ACYP2: variants seen among roughly 807,000 people sequenced by gnomAD.
ACYP2 encodes the protein acylphosphatase 2, also known as acylphosphatase-2.
A neutral mutation model predicts 11.2 loss-of-function variants in ACYP2; 12 were observed. That is an observed-to-expected ratio of 1.08 (90% CI 0.69 to 1.74). The LOEUF (loss-of-function observed/expected upper bound fraction) is 1.74, where lower values mean the gene tolerates loss of function less well. Ranked by LOEUF, ACYP2 falls within the 40% of genes most tolerant of loss-of-function variation. The pLI is 0.00. For missense variants in ACYP2, 134 were observed against 101.9 expected, an observed-to-expected ratio of 1.31 and a Z score of -1.35; for synonymous variants, 43 against 32.2, an observed-to-expected ratio of 1.33 and a Z score of -1.13.
intron 2 of ACYP2, among the ~76,000 whole-genome samples, chr2:54,046,108 T>A (rs953650334): frequency 3.4e-5 from 5 of 145,804 alleles, no homozygotes; most frequent in Non-Finnish European, 7.4e-5. Flanking sequence ...AGGCAGAGGT[T>A]GCAGTGAGCA....
At chr2:53,983,033 A>G (rs1243962375) in intron 2 of ACYP2, among the ~76,000 whole-genome samples, 1 of 152,048 alleles carries the variant, frequency 6.6e-6, no homozygotes, top group East Asian at 1.9e-4. Context: ...ACAGTAAACA[A>G]CTCACTTCAC....
chr2:54,108,338 C>G (rs999347582), intron 4 of ACYP2, among the ~76,000 whole-genome samples: 2 of 152,154 alleles, frequency 1.3e-5, no homozygotes, highest in South Asian at 4.1e-4. Context: ...ATGTGTGTAC[C>G]AATCCACTGT....
chr2:54,083,993 G>C (rs1311513005), intron 4 of ACYP2, among the ~76,000 whole-genome samples: 2 of 152,138 alleles, frequency 1.3e-5, no homozygotes, highest in Non-Finnish European at 2.9e-5. Context: ...TATAAATTTT[G>C]AAAAGATGAG....
intron 2 of ACYP2, among the ~76,000 whole-genome samples, chr2:53,991,893 T>C (rs1162047341): frequency 6.6e-6 from 1 of 152,078 alleles, no homozygotes; most frequent in Non-Finnish European, 1.5e-5. Flanking sequence ...ACTCGAGCTC[T>C]TGGCCTAAAG....
At chr2:54,243,401 TAAAC>T (rs1481890216) in intron 6 of ACYP2, among the ~76,000 whole-genome samples, 1 of 152,362 alleles carries the variant, frequency 6.6e-6, no homozygotes, top group East Asian at 1.9e-4. Flanking sequence ...TTTGTGTACC[TAAAC>T]ATAGAAAAGG....
At chr2:54,039,819 TTGTGTGTGTGTGTGTGTGTGTGTGTG>T (rs751604890) in intron 2 of ACYP2, among the ~76,000 whole-genome samples, 1 of 126,608 alleles carries the variant, frequency 7.9e-6, no homozygotes, top group African/African-American at 3.0e-5. Context: ...TTGTTTTCTT[TTGTGTGTGTGTGTGTGTGTGTGTGTG>T]TGTGTGTGTG....
intron 2 of ACYP2, among the ~76,000 whole-genome samples, chr2:54,022,619 A>G (rs985352366): frequency 6.7e-6 from 1 of 148,394 alleles, no homozygotes; most frequent in African/African-American, 2.5e-5. Flanking sequence ...ACCTCAAGCA[A>G]CCCTCCCACC....
chr2:54,228,592 A>G (rs1028514679), intron 6 of ACYP2, among the ~76,000 whole-genome samples: 1 of 152,226 alleles, frequency 6.6e-6, no homozygotes, highest in African/African-American at 2.4e-5. Flanking sequence ...TGATGAATTC[A>G]TAATTCATCA....
chr2:53,972,226 C>T (rs1435203344), intron 1 of ACYP2, among the ~76,000 whole-genome samples: 2 of 150,512 alleles, frequency 1.3e-5, no homozygotes, highest in African/African-American at 4.9e-5. Context: ...AGGAGAATCG[C>T]TTGAAACCGG....
intron 6 of ACYP2, among the ~76,000 whole-genome samples, chr2:54,226,458 G>A (rs942571820): frequency 1.1e-4 from 17 of 149,782 alleles, no homozygotes; most frequent in Admixed American, 6.6e-4. Flanking sequence ...ATAATGTGTT[G>A]ATGTCAGGAA....
chr2:54,052,955 T>C (rs192421035), intron 3 of ACYP2, among the ~76,000 whole-genome samples: 1 of 152,348 alleles, frequency 6.6e-6, no homozygotes, highest in African/African-American at 2.4e-5. Flanking sequence ...CACTGACTCA[T>C]CTATTAAAAC....
At chr2:54,228,519 A>C (rs1366522241) in intron 6 of ACYP2, among the ~76,000 whole-genome samples, 1 of 152,184 alleles carries the variant, frequency 6.6e-6, no homozygotes, top group Non-Finnish European at 1.5e-5. Context: ...TGACTTCAGA[A>C]ACCATACTCT....
chr2:54,042,243 T>A lies in ACYP2; in HGVS notation c.63-8715T>A, dbSNP rs1302516600. Among the ~76,000 whole-genome samples the A allele has an allele frequency of 3.3e-5, 5 of 152,162 alleles. No individual in the cohort carries two copies. In the East Asian group the frequency reaches 9.7e-4, roughly 29 times the overall value. On this transcript the variant is annotated intron_variant, in intron 2 of 6. Coordinates refer to ENST00000607452, the MANE Select transcript of ACYP2 (RefSeq NM_001320586.2). ...CTGGTCTCGAACTCTCAACCTCAGGTGATCCCCCTGCCTTGGCCTCCCAAA... is the reference window on the plus strand; with the variant it reads ...CTGGTCTCGAACTCTCAACCTCAGGAGATCCCCCTGCCTTGGCCTCCCAAA...
intron 2 of ACYP2, among the ~76,000 whole-genome samples, chr2:54,033,632 A>G (rs1404680356): frequency 6.6e-6 from 1 of 152,126 alleles, no homozygotes; most frequent in East Asian, 1.9e-4. Flanking sequence ...GCTGAAGACA[A>G]TCTGGAGCCC....
chr2:54,305,026 A>G lies in ACYP2; in HGVS notation c.*224A>G, dbSNP rs11980. On this transcript the variant is annotated 3_prime_UTR_variant, in exon 7 of 7. Coordinates refer to ENST00000607452, the MANE Select transcript of ACYP2 (RefSeq NM_001320586.2). ...TCTAAGATTAAAATGTCATTACAAA[A>G]TATTTAGTGTGAACATTTAATTTAA... 0.017 allele frequency: 5,471 copies of G among 329,422 alleles called. 43 individuals are homozygous for G. Among genetic ancestry groups the G allele is most frequent in the Middle Eastern group, 0.035 (42 of 1,190 alleles). The allele number at this position is 329,422 out of a possible 1,614,324, so 20.4% of individuals were successfully genotyped here.
intron 6 of ACYP2, among the ~76,000 whole-genome samples, chr2:54,278,781 GATATT>G (rs543101992): frequency 8.5e-5 from 13 of 152,230 alleles, no homozygotes; most frequent in East Asian, 7.7e-4. Context: ...TCTTTTGCCA[GATATT>G]ATATTAACAA....
intron 4 of ACYP2, chr2:54,084,938 T>A (rs1421661182): frequency 6.6e-6 from 1 of 152,186 alleles, no homozygotes; most frequent in Non-Finnish European, 1.5e-5. Context: ...TTTTATTAGA[T>A]GTGATGATGG....
At chr2:54,087,512 C>G (rs1678003762) in intron 4 of ACYP2, among the ~76,000 whole-genome samples, 1 of 152,108 alleles carries the variant, frequency 6.6e-6, no homozygotes, top group Non-Finnish European at 1.5e-5. Flanking sequence ...CCATGCCTGG[C>G]TAATTTTTTC....
intron 3 of ACYP2, chr2:54,057,206 T>C (rs931002946): frequency 5.0e-6 from 2 of 397,252 alleles, no homozygotes; most frequent in Non-Finnish European, 8.9e-6. Context: ...GTGATGAACT[T>C]TTTCTTACTG....
Sources: allele counts gnomAD v4.1 joint callset (sites outside exome capture counted in the v4.1 genomes callset), GRCh38; gene constraint gnomAD v4.1.1; transcripts MANE v1.5; gene names NCBI Gene and HGNC (gene_info 2026-07-23, HGNC 2026-07-21).